The following TUT7 variants were observed in gnomAD, a reference collection of about 807,000 sequenced individuals.
TUT7 encodes terminal uridylyl transferase 7, also known as terminal uridylyltransferase 7.
In TUT7, 33 loss-of-function variants were observed where a neutral mutation model predicts 165.9. That is an observed-to-expected ratio of 0.20 (90% CI 0.15 to 0.27). TUT7 has a LOEUF of 0.27. Ranked by LOEUF, TUT7 falls within the 10% of genes least tolerant of loss-of-function variation. The pLI, the probability that TUT7 is intolerant of heterozygous loss-of-function variation, is 1.00. For synonymous variants in TUT7, 552 were observed against 608.1 expected, an observed-to-expected ratio of 0.91 and a Z score of 1.36; for missense variants, 1,338 against 1,762.3, an observed-to-expected ratio of 0.76 and a Z score of 4.31.
chr9:86,329,938 G>C (rs1830157806), intron 10 of TUT7, among the ~76,000 whole-genome samples: 1 of 152,052 alleles, frequency 6.6e-6, no homozygotes, highest in Non-Finnish European at 1.5e-5. Flanking sequence ...ATCATTCTCT[G>C]TCCTCCTTAC....
chr9:86,349,511 G>A (rs1204854690), intron 2 of TUT7, among the ~76,000 whole-genome samples: 1 of 152,020 alleles, frequency 6.6e-6, no homozygotes, highest in Non-Finnish European at 1.5e-5. Flanking sequence ...ACATTTGAAG[G>A]CTAAAGTAGG....
Position 86,288,672 on chromosome 9 carries a change from T to C in TUT7, c.*5A>G. ...GGCCATTTAGAGTGCTGCATTTTCCTTCCCTCATGATTCCTGCTGGGTCCT... is the reference window on the plus strand; with the variant it reads ...GGCCATTTAGAGTGCTGCATTTTCCCTCCCTCATGATTCCTGCTGGGTCCT... On this transcript the variant is annotated 3_prime_UTR_variant, in exon 27 of 27. Coordinates refer to ENST00000375963, the MANE Select transcript of TUT7 (RefSeq NM_024617.4). 6.2e-7 allele frequency: 1 copy of C among 1,613,286 alleles called. No individual in the cohort carries two copies. The highest frequency in any genetic ancestry group is 1.3e-5 in the African/African-American group (1 of 75,028).
chr9:86,308,011 A>G (rs1370482945), intron 22 of TUT7, among the ~76,000 whole-genome samples: 1 of 152,196 alleles, frequency 6.6e-6, no homozygotes, highest in Non-Finnish European at 1.5e-5. Context: ...TAAAAAATAG[A>G]AAAAGAAAAG....
intron 10 of TUT7, among the ~76,000 whole-genome samples, chr9:86,330,953 C>G (rs552330416): frequency 6.6e-6 from 1 of 151,590 alleles, no homozygotes; most frequent in Non-Finnish European, 1.5e-5. Context: ...TAGCTCACTG[C>G]AGCCTCGACC....
In TUT7 at chr9:86,288,685, C is replaced by T; in HGVS notation, c.4480G>A (p.Glu1494Lys). The T allele has an allele frequency of 6.2e-7, 1 of 1,613,740 alleles. No individual in the cohort carries two copies. The highest frequency in any genetic ancestry group is 8.5e-7 in the Non-Finnish European group (1 of 1,179,786). ...GKASAKRTQQ[E>K]S ...GCTGCATTTTCCTTCCCTCATGATT[C>T]CTGCTGGGTCCTCTTCGCTGAGGCT... The change falls in exon 27 of 27, where the codon GAA becomes AAA. Residue 1494 changes from glutamate to lysine, a missense_variant. Physicochemically the swap from Glu to Lys is moderately conservative, Grantham distance 56. Around this residue, in one of 7 missense-constraint regions of TUT7, gnomAD observed 167 missense variants for 204.9 expected, o/e 0.82. Transcript: ENST00000375963.
chr9:86,340,225 CT>C, intron 7 of TUT7, 120 bp from the exon 8 acceptor site: 1 of 748,800 alleles, frequency 1.3e-6, no homozygotes, highest in Non-Finnish European at 2.2e-6. Context: ...AAGACCACTA[CT>C]AAATAATGCT....
At chr9:86,336,219 T>A (rs1304049390) in intron 10 of TUT7, among the ~76,000 whole-genome samples, 1 of 152,194 alleles carries the variant, frequency 6.6e-6, no homozygotes, top group African/African-American at 2.4e-5. Flanking sequence ...CTATCTCTCT[T>A]AGATCAAGGT....
intron 10 of TUT7, among the ~76,000 whole-genome samples, chr9:86,332,641 C>T (rs887062461): frequency 1.3e-5 from 2 of 152,074 alleles, no homozygotes; most frequent in African/African-American, 4.8e-5. Flanking sequence ...TCCAATAAAC[C>T]CGTGACATGA....
chr9:86,340,874 T>C lies in TUT7; in HGVS notation c.1138+128A>G, dbSNP rs700773. ...GACTCTAGTTAATAATTCATGGGCA[T>C]TTGCTTTGGATATTACCCACATAAA... is the stretch of plus-strand genomic sequence containing the variant. On this transcript the variant is annotated intron_variant, in intron 7 of 26. Coordinates refer to ENST00000375963, the MANE Select transcript of TUT7 (RefSeq NM_024617.4). The C allele has an allele frequency of 0.28, 190,629 of 670,370 alleles. 32,373 individuals are homozygous for C. The highest frequency in any genetic ancestry group is 0.35 in the Non-Finnish European group (136,257 of 389,162). 41.5% of individuals were successfully genotyped at this position (670,370 alleles called of 1,614,324 possible).
chr9:86,319,166 T>C (rs931600414), intron 15 of TUT7, 108 bp from the exon 16 acceptor site: 3 of 680,754 alleles, frequency 4.4e-6, no homozygotes, highest in African/African-American at 3.6e-5. Flanking sequence ...AATTATCCTA[T>C]ATTAATCTCA....
At chr9:86,295,077 A>G (rs1447470615) in intron 26 of TUT7, among the ~76,000 whole-genome samples, 1 of 152,042 alleles carries the variant, frequency 6.6e-6, no homozygotes, top group African/African-American at 2.4e-5. Context: ...TCAATAAAAT[A>G]TTTGAAAATA....
At chr9:86,293,607 G>T (rs1826059636) in intron 26 of TUT7, among the ~76,000 whole-genome samples, 1 of 152,180 alleles carries the variant, frequency 6.6e-6, no homozygotes, top group Non-Finnish European at 1.5e-5. Flanking sequence ...CTCCGGGATT[G>T]TCAACAATCA....
At position 86,309,209 on chromosome 9, in the gene TUT7, T is replaced by C; in HGVS notation, c.3660+3A>G. On this transcript the variant is annotated splice_donor_region_variant and intron_variant, in intron 21 of 26. Coordinates refer to ENST00000375963, the MANE Select transcript of TUT7 (RefSeq NM_024617.4). Reference sequence around the variant, plus strand: ...GGAAAATCTTTACTCTTAAAATACGTACCAGTTCATCTATTTGATCAAAAA... The same window carrying C: ...GGAAAATCTTTACTCTTAAAATACGCACCAGTTCATCTATTTGATCAAAAA... 1 of 1,552,838 alleles carries C rather than the reference T, an allele frequency of 6.4e-7. No individual in the cohort carries two copies. The highest frequency in any genetic ancestry group is 8.9e-7 in the Non-Finnish European group (1 of 1,128,762).
chr9:86,294,981 A>G (rs1351145228), intron 26 of TUT7, among the ~76,000 whole-genome samples: 3 of 152,104 alleles, frequency 2.0e-5, no homozygotes, highest in Non-Finnish European at 4.4e-5. Flanking sequence ...GAGATTTAAT[A>G]AAAAGCTTAA....
chr9:86,314,487 G>A (rs1013817029), intron 17 of TUT7, among the ~76,000 whole-genome samples: 19 of 152,118 alleles, frequency 1.2e-4, no homozygotes, highest in Admixed American at 1.2e-3. Flanking sequence ...ATATGCTCAT[G>A]GCAAACTAAA....
At chr9:86,352,643 C>T in intron 2 of TUT7, 37 bp downstream of exon 2, 1 of 1,611,382 alleles carries the variant, frequency 6.2e-7, no homozygotes, top group South Asian at 1.1e-5. Context: ...ACATTGCTGA[C>T]TCTGGGGTTG....
At chr9:86,329,859 G>A (rs1217835937) in intron 10 of TUT7, among the ~76,000 whole-genome samples, 2 of 152,084 alleles carry the variant, frequency 1.3e-5, no homozygotes, top group Non-Finnish European at 2.9e-5. Context: ...AAGTGAGGGA[G>A]ACTATGACTC....
At chr9:86,293,506 G>T (rs139217494) in intron 26 of TUT7, among the ~76,000 whole-genome samples, 1 of 152,010 alleles carries the variant, frequency 6.6e-6, no homozygotes, top group Non-Finnish European at 1.5e-5. Context: ...AAATGGTAAA[G>T]TTCAATGGTA....
At chr9:86,309,854 T>C in intron 19 of TUT7, 74 bp downstream of exon 19, 1 of 1,401,076 alleles carries the variant, frequency 7.1e-7, no homozygotes, top group Non-Finnish European at 1.0e-6. Flanking sequence ...CATTAAAAAA[T>C]AGATTTATGT....
Sources: gnomAD v4.1 joint callset for allele counts (sites outside exome capture counted in the v4.1 genomes callset) on GRCh38, gnomAD v4.1.1 for gene constraint, gnomAD v4.1.1 regional missense constraint, MANE v1.5 for transcripts, NCBI Gene and HGNC (gene_info 2026-07-23, HGNC 2026-07-21) for gene names.